Variants in NONO observed in about 807,000 individuals in gnomAD.
NONO encodes the protein non-POU domain containing octamer binding, also known as non-POU domain-containing octamer-binding protein.
In NONO, 6 loss-of-function variants were observed where a neutral mutation model predicts 40.2. The ratio of observed to expected loss-of-function variants is 0.15; its 90% CI spans 0.08 to 0.29. The LOEUF (loss-of-function observed/expected upper bound fraction) is 0.29, where lower values mean the gene tolerates loss of function less well. Ranked by LOEUF, NONO falls within the 10% of genes least tolerant of loss-of-function variation. NONO has a pLI of 1.00. For missense variants in NONO, 133 were observed against 397.8 expected (o/e 0.33, Z 5.66); for synonymous variants, 89 against 123.3 (o/e 0.72, Z 1.85).
At position 71,298,486 on chromosome X, in the gene NONO, G is replaced by T. The variant is rs755888177; in HGVS notation, c.1149G>T (p.Arg383=). The T allele has an allele frequency of 8.3e-6, 10 of 1,208,602 alleles. No homozygotes were observed. Among genetic ancestry groups the T allele is most frequent in the Non-Finnish European group, 1.0e-5 (9 of 893,862 alleles). ...TFPDAREQEI[R]MGQMAMGGAM... ...TTTTTCAGAGAGAGCAGGAGATTCG[G>T]ATGGGTCAGATGGCTATGGGAGGTA... Residue 383 remains arginine (R), a synonymous_variant, in exon 10 of 12, where the codon CGG becomes CGT. Coordinates refer to ENST00000276079, the MANE Select transcript of NONO (RefSeq NM_007363.5).
Position 71,300,160 on chromosome X carries a change from A to G in NONO, c.*84A>G. The G allele has an allele frequency of 9.2e-7, 1 of 1,087,013 alleles. No homozygotes were observed. The highest frequency in any genetic ancestry group is 1.3e-6 in the Non-Finnish European group (1 of 789,000). The allele number at this position is 1,087,013 out of a possible 1,213,427, so 89.6% of individuals were successfully genotyped here. A position where few individuals can be genotyped will look rare whatever the true frequency, so the allele number is the denominator to read the frequency against. On this transcript the variant is annotated 3_prime_UTR_variant, in exon 12 of 12. Coordinates refer to ENST00000276079, the MANE Select transcript of NONO (RefSeq NM_007363.5). Reference sequence around the variant, plus strand: ...CAGAATTCTACCCTGGAAAAGTGTTAGGGATTCCTTCCAATAGTTAGATCT... The same window carrying G: ...CAGAATTCTACCCTGGAAAAGTGTTGGGGATTCCTTCCAATAGTTAGATCT...
At chrX:71,286,017 C>T (rs1368477311) in intron 2 of NONO, among the ~76,000 whole-genome samples, 1 of 111,848 alleles carries the variant, frequency 8.9e-6, no homozygotes, top group African/African-American at 3.2e-5. Context: ...GAAGGATATA[C>T]CAACATGTTA....
At position 71,283,684 on chromosome X, in the gene NONO, C is replaced by A. The variant is rs2031122914; in HGVS notation, c.-104C>A. The A allele has an allele frequency of 1.8e-5, 2 of 111,255 alleles. No individual in the cohort carries two copies. Among genetic ancestry groups the A allele is most frequent in the Admixed American group, 1.9e-4 (2 of 10,404 alleles). 9.2% of individuals were successfully genotyped at this position (111,255 alleles called of 1,213,427 possible). ...TCTCGGGACGGGAGAGGCCGTGTAG[C>A]GTCGCCGTTACTCCGAGGAGATACC... On this transcript the variant is annotated 5_prime_UTR_variant, in exon 1 of 12. Coordinates refer to ENST00000276079, the MANE Select transcript of NONO (RefSeq NM_007363.5).
At chrX:71,285,852 C>T (rs1344852185) in intron 2 of NONO, among the ~76,000 whole-genome samples, 1 of 111,894 alleles carries the variant, frequency 8.9e-6, no homozygotes, top group East Asian at 2.8e-4. Context: ...AGGTGTCCAA[C>T]ACAATAGGGA....
At chrX:71,298,295 A>G in intron 9 of NONO, 174 bp from the exon 10 acceptor site, 1 of 489,188 alleles carries the variant, frequency 2.0e-6, no homozygotes, top group South Asian at 3.1e-5. Flanking sequence ...ACGTCCTAGT[A>G]GCTCTGTGAC....
rs779961109 is a variant in NONO, at chrX:71,297,898, G to A, written c.1091G>A (p.Arg364Gln). Residue 364 changes from arginine (R) to glutamine (Q), a missense_variant, in exon 9 of 12, where the codon CGG (arginine) becomes CAG (glutamine). This residue lies in a region of NONO where 73 missense variants were observed against 162.2 expected (regional missense o/e 0.45). Transcript: ENST00000276079. Reference protein sequence around the residue: ...EMRRQQEEMMRRQQEGFKGTF... With the variant: ...EMRRQQEEMMQRQQEGFKGTF... ...CGGCGGCAGCAAGAAGAAATGATGC[G>A]GCGACAGCAGGAAGGATTCAAGGGA... is the stretch of plus-strand genomic sequence containing the variant. 2.5e-6 allele frequency: 3 copies of A among 1,207,619 alleles called. No individual in the cohort carries two copies. Among genetic ancestry groups the A allele is most frequent in the South Asian group, 1.8e-5 (1 of 56,758 alleles).
chrX:71,294,125 G>A lies in NONO; in HGVS notation c.349-102G>A, dbSNP rs116839797. 7.8e-4 allele frequency: 657 copies of A among 846,034 alleles called. No homozygotes were observed. The African/African-American group carries it at 0.012, about 16-fold the overall frequency. 69.7% of individuals were successfully genotyped at this position (846,034 alleles called of 1,213,427 possible). ...TTCTGTTTCTTTGTATGGTTGTTTA[G>A]TTTTTCCGGGGAGATATTGAACTAT... On this transcript the variant is annotated intron_variant, in intron 4 of 11. Coordinates refer to ENST00000276079, the MANE Select transcript of NONO (RefSeq NM_007363.5).
chrX:71,297,641 T>G, intron 8 of NONO, 180 bp downstream of exon 8: 1 of 494,228 alleles, frequency 2.0e-6, no homozygotes, highest in Non-Finnish European at 3.4e-6. Context: ...AGAAGTTACC[T>G]GCTAAAAAGA....
chrX:71,296,021 G>C (rs1190711465), intron 5 of NONO, among the ~76,000 whole-genome samples: 1 of 111,141 alleles, frequency 9.0e-6, no homozygotes, highest in Admixed American at 9.6e-5. Flanking sequence ...AGTGTCTGTA[G>C]ATGTTTAGGC....
chrX:71,297,167 T>C (rs2031470664), intron 7 of NONO, 120 bp downstream of exon 7: 1 of 730,288 alleles, frequency 1.4e-6, no homozygotes. Flanking sequence ...TTTGCGTTGA[T>C]TTTGGTAGAT....
At position 71,290,718 on chromosome X, in the gene NONO, G is replaced by T. The variant is rs1422041487; in HGVS notation, c.81G>T (p.Gln27His). The change falls in exon 3 of 12, where the codon CAG becomes CAT. Residue 27 changes from glutamine (Q) to histidine (H), a missense_variant. Physicochemically the swap from Gln to His is conservative, Grantham distance 24. Coordinates refer to ENST00000276079, the MANE Select transcript of NONO (RefSeq NM_007363.5). The part of the protein sequence containing the change: ...RKHHQHHHQQ[Q>H]HHQQQQQQPP... ...ATCATCAACATCACCACCAGCAGCA[G>T]CACCACCAGCAGCAACAGCAGCAGC... 1 of 1,199,524 alleles carries T rather than the reference G, an allele frequency of 8.3e-7. No homozygotes were observed. Among genetic ancestry groups the T allele is most frequent in the South Asian group, 1.8e-5 (1 of 55,594 alleles).
At position 71,300,010 on chromosome X, in the gene NONO, T is replaced by A; in HGVS notation, c.1350T>A (p.Thr450=). ...TMEGIGAIGG[T]PPAFNRAAPG... ...AAGGAATTGGGGCAATTGGTGGAAC[T>A]CCTCCTGCATTCAACCGTGCAGCTC... The change falls in exon 12 of 12, where the codon ACT becomes ACA. Residue 450 remains threonine (T), a synonymous_variant. Transcript: ENST00000276079. 8.3e-7 allele frequency: 1 copy of A among 1,210,858 alleles called. No individual in the cohort carries two copies.
At chrX:71,289,800 T>C (rs1013490865) in intron 2 of NONO, among the ~76,000 whole-genome samples, 2 of 108,576 alleles carry the variant, frequency 1.8e-5, no homozygotes, top group Non-Finnish European at 3.8e-5. Flanking sequence ...GGAGACGGAG[T>C]CTCACTCTGT....
At chrX:71,288,240 G>T (rs2031245864) in intron 2 of NONO, among the ~76,000 whole-genome samples, 1 of 99,160 alleles carries the variant, frequency 1.0e-5, no homozygotes, top group Admixed American at 1.2e-4. Context: ...GACTACATGA[G>T]TGTGCTATCA....
Position 71,296,556 on chromosome X carries a change from T to C in NONO, c.651-9T>C. ...TTTGATTAACACTGAACTTTGTTCT[T>C]TCTTCCAGATTTCCTCGTCCTGTGA... is the stretch of plus-strand genomic sequence containing the variant. On this transcript the variant is annotated splice_polypyrimidine_tract_variant and intron_variant, in intron 5 of 11. Transcript: ENST00000276079. 5 of 1,176,306 alleles carry C rather than the reference T, an allele frequency of 4.3e-6. No individual in the cohort carries two copies. Among genetic ancestry groups the C allele is most frequent in the Non-Finnish European group, 5.8e-6 (5 of 869,028 alleles).
At chrX:71,295,857 G>A (rs1272966704) in intron 5 of NONO, among the ~76,000 whole-genome samples, 3 of 112,065 alleles carry the variant, frequency 2.7e-5, no homozygotes, top group Non-Finnish European at 3.8e-5. Flanking sequence ...ATTAATAGAC[G>A]TGGGATGACG....
At chrX:71,293,717 C>T (rs1189050160) in intron 4 of NONO, among the ~76,000 whole-genome samples, 1 of 110,253 alleles carries the variant, frequency 9.1e-6, no homozygotes, top group Non-Finnish European at 1.9e-5. Context: ...CTGCAACCTC[C>T]GCCTCCCGGG....
chrX:71,287,226 G>T (rs943290291), intron 2 of NONO, among the ~76,000 whole-genome samples: 1 of 110,838 alleles, frequency 9.0e-6, no homozygotes, highest in Admixed American at 9.6e-5. Flanking sequence ...GATTACAGAT[G>T]CCCACCACCA....
intron 2 of NONO, among the ~76,000 whole-genome samples, chrX:71,284,687 G>C (rs2148025675): frequency 8.9e-6 from 1 of 112,134 alleles, no homozygotes; most frequent in African/African-American, 3.2e-5. Flanking sequence ...TAAATGAAAA[G>C]TCCTAAGAAA....
Sources: allele counts gnomAD v4.1 joint callset (sites outside exome capture counted in the v4.1 genomes callset), GRCh38; gene constraint gnomAD v4.1.1; regional missense constraint gnomAD v4.1.1; transcripts MANE v1.5; gene names NCBI Gene and HGNC (gene_info 2026-07-23, HGNC 2026-07-21).